YPEL2: variants seen among roughly 807,000 people sequenced by gnomAD.
The protein encoded by YPEL2 is protein yippee-like 2.
In YPEL2, 2 loss-of-function variants were observed where a neutral mutation model predicts 19.1. The observed-to-expected ratio is 0.10, with a 90% confidence interval of 0.04 to 0.33. YPEL2 has a LOEUF of 0.33. Among genes scored for constraint, YPEL2 ranks in the 10% least tolerant of loss-of-function variants. The pLI is 1.00. For synonymous variants in YPEL2, 52 were observed against 50.0 expected (o/e 1.04, Z -0.17); for missense variants, 66 against 140.7 (o/e 0.47, Z 2.68).
At chr17:59,367,961 G>C (rs1168417567) in intron 2 of YPEL2, among the ~76,000 whole-genome samples, 2 of 152,304 alleles carry the variant, frequency 1.3e-5, no homozygotes, top group East Asian at 3.9e-4. Flanking sequence ...ACCTGGCTTT[G>C]TGCTAAATTT....
Position 59,392,507 on chromosome 17 carries a change from G to GTTTT in YPEL2, c.270+3057_270+3060dup, listed in dbSNP as rs3063116. On this transcript the variant is annotated intron_variant, in intron 4 of 4. Coordinates refer to ENST00000312655, the MANE Select transcript of YPEL2 (RefSeq NM_001005404.4). Reference sequence around the variant, plus strand: ...CCTCCTATGTGCCAGCTCAGGGCACGTTTTTTTTTTTTTTTTTTTTTGAGA... The same window carrying GTTTT: ...CCTCCTATGTGCCAGCTCAGGGCACGTTTTTTTTTTTTTTTTTTTTTTTTTGAGA... 1.3e-3 allele frequency among the ~76,000 whole-genome samples: 133 copies of GTTTT among 103,162 alleles called. 5 individuals carry two copies. Among genetic ancestry groups the GTTTT allele is most frequent in the African/African-American group, 4.2e-3 (103 of 24,432 alleles). The allele number at this position is 103,162 out of a possible 152,430, so 67.7% of individuals were successfully genotyped here.
intron 4 of YPEL2, among the ~76,000 whole-genome samples, chr17:59,393,477 T>A (rs976073605): frequency 4.4e-4 from 66 of 150,380 alleles, no homozygotes; most frequent in East Asian, 5.8e-4. Context: ...TCTTTTTTTT[T>A]ATTTTTATTT....
intron 1 of YPEL2, among the ~76,000 whole-genome samples, chr17:59,335,356 C>T (rs1004575102): frequency 4.6e-4 from 70 of 152,098 alleles, no homozygotes; most frequent in African/African-American, 1.7e-3. Flanking sequence ...TAATCTAATT[C>T]CTTTCCTTGT....
At position 59,388,319 on chromosome 17, in the gene YPEL2, C is replaced by A. The variant is rs763544105; in HGVS notation, c.118-8C>A. 1 of 1,614,098 alleles carries A rather than the reference C, an allele frequency of 6.2e-7. No individual in the cohort carries two copies. The highest frequency in any genetic ancestry group is 8.5e-7 in the Non-Finnish European group (1 of 1,179,972). On this transcript the variant is annotated splice_polypyrimidine_tract_variant and splice_region_variant and intron_variant, in intron 2 of 4. Transcript: ENST00000312655. ...GTCTAACTATCGATTTGTTTTCTTG[C>A]ATTTCAGTCATTCCAAGGAAGTCAA...
At position 59,348,026 on chromosome 17, in the gene YPEL2, A is replaced by G. The variant is rs1040345844; in HGVS notation, c.-195-5189A>G. ...TGTGTATTGTGCGCCAGCTCTGTGT[A>G]AGCACTGAGATCATCTCACTTAACA... On this transcript the variant is annotated intron_variant, in intron 1 of 4. Coordinates refer to ENST00000312655, the MANE Select transcript of YPEL2 (RefSeq NM_001005404.4). Among the ~76,000 whole-genome samples, 12 of 152,256 alleles carry G rather than the reference A, an allele frequency of 7.9e-5. No homozygotes were observed. In the East Asian group the frequency reaches 2.1e-3, roughly 27 times the overall value.
intron 2 of YPEL2, among the ~76,000 whole-genome samples, chr17:59,377,645 C>T (rs2047928951): frequency 6.6e-6 from 1 of 152,180 alleles, no homozygotes; most frequent in African/African-American, 2.4e-5. Flanking sequence ...CTGTTCTAAC[C>T]CCATGCCACA....
At chr17:59,364,330 G>A (rs1228467050) in intron 2 of YPEL2, among the ~76,000 whole-genome samples, 1 of 152,178 alleles carries the variant, frequency 6.6e-6, no homozygotes, top group African/African-American at 2.4e-5. Context: ...CATAGCCCTG[G>A]GAGAGGGCTG....
In YPEL2 at chr17:59,397,258, G is replaced by C; in HGVS notation, c.*68G>C. The stretch of plus-strand genomic sequence containing the variant: ...TCAACCGAACATTCTTCCCAAGCGT[G>C]AGAGAGTGACTGACACTTGGTTCCA... On this transcript the variant is annotated 3_prime_UTR_variant, in exon 5 of 5. Transcript: ENST00000312655. 1 of 1,293,066 alleles carries C rather than the reference G, an allele frequency of 7.7e-7. No individual in the cohort carries two copies. Among genetic ancestry groups the C allele is most frequent in the South Asian group, 1.5e-5 (1 of 66,108 alleles). The allele number at this position is 1,293,066 out of a possible 1,614,324, so 80.1% of individuals were successfully genotyped here. A position where few individuals can be genotyped will look rare whatever the true frequency, so the allele number is the denominator to read the frequency against.
chr17:59,365,816 G>A (rs1286314507), intron 2 of YPEL2, among the ~76,000 whole-genome samples: 1 of 152,016 alleles, frequency 6.6e-6, no homozygotes, highest in Non-Finnish European at 1.5e-5. Flanking sequence ...GGAGGAGGAG[G>A]GGGAGAGGAA....
intron 1 of YPEL2, among the ~76,000 whole-genome samples, chr17:59,333,221 A>G (rs1420646883): frequency 6.6e-6 from 1 of 152,194 alleles, no homozygotes; most frequent in Admixed American, 6.5e-5. Context: ...TTCCCCAGAA[A>G]CAGGCCCAGC....
chr17:59,333,630 T>TA (rs1860112585), intron 1 of YPEL2, among the ~76,000 whole-genome samples: 1 of 152,134 alleles, frequency 6.6e-6, no homozygotes, highest in Non-Finnish European at 1.5e-5. Flanking sequence ...CTACTTCATT[T>TA]AAAAAAATCA....
At chr17:59,345,875 A>G (rs896691788) in intron 1 of YPEL2, among the ~76,000 whole-genome samples, 2 of 152,134 alleles carry the variant, frequency 1.3e-5, no homozygotes, top group African/African-American at 2.4e-5. Flanking sequence ...TGCAGGAGGT[A>G]GGCTCTATTG....
intron 2 of YPEL2, among the ~76,000 whole-genome samples, chr17:59,365,554 T>G (rs58446488): frequency 0.012 from 1,753 of 152,340 alleles, 28 homozygotes; most frequent in African/African-American, 0.04. Flanking sequence ...CTTGTCAGTT[T>G]GATTCCTTCT....
At chr17:59,373,811 C>A (rs2047908024) in intron 2 of YPEL2, among the ~76,000 whole-genome samples, 1 of 152,186 alleles carries the variant, frequency 6.6e-6, no homozygotes, top group Admixed American at 6.5e-5. Context: ...GTAAGTCAGG[C>A]ACTTGCGTTG....
Position 59,353,751 on chromosome 17 carries a change from G to A in YPEL2, c.117+225G>A, listed in dbSNP as rs1354217982. 1 of 497,800 alleles carries A rather than the reference G, an allele frequency of 2.0e-6. No individual in the cohort carries two copies. Among genetic ancestry groups the A allele is most frequent in the African/African-American group, 1.9e-5 (1 of 51,512 alleles). 30.8% of individuals were successfully genotyped at this position (497,800 alleles called of 1,614,324 possible). A position where few individuals can be genotyped will look rare whatever the true frequency, so the allele number is the denominator to read the frequency against. ...AAATGAGGTGTCATCCTTGTTGGAGGCTTTGGGAGCTGGCAGCTTGCAAGC... is the reference window on the plus strand; with the variant it reads ...AAATGAGGTGTCATCCTTGTTGGAGACTTTGGGAGCTGGCAGCTTGCAAGC... On this transcript the variant is annotated intron_variant, in intron 2 of 4. Coordinates refer to ENST00000312655, the MANE Select transcript of YPEL2 (RefSeq NM_001005404.4). This position sits in a 1 kb window ranked among gnomAD's most constrained non-coding sequence, Gnocchi z 4.8.
At chr17:59,385,200 C>T (rs1408621457) in intron 2 of YPEL2, among the ~76,000 whole-genome samples, 1 of 152,132 alleles carries the variant, frequency 6.6e-6, no homozygotes, top group African/African-American at 2.4e-5. Context: ...ATGAATGAAT[C>T]CTAAAAGAAT....
At position 59,353,667 on chromosome 17, in the gene YPEL2, T is replaced by A; in HGVS notation, c.117+141T>A. 1.4e-6 allele frequency: 1 copy of A among 730,872 alleles called. No homozygotes were observed. Among genetic ancestry groups the A allele is most frequent in the South Asian group, 1.4e-5 (1 of 70,706 alleles). The allele number at this position is 730,872 out of a possible 1,614,324, so 45.3% of individuals were successfully genotyped here. A position where few individuals can be genotyped will look rare whatever the true frequency, so the allele number is the denominator to read the frequency against. ...GGGCTGACCCACGTGACCGTCTCAC[T>A]CAACTGAGAAAAACTCTGAGTTGGA... On this transcript the variant is annotated intron_variant, in intron 2 of 4. Coordinates refer to ENST00000312655, the MANE Select transcript of YPEL2 (RefSeq NM_001005404.4). The surrounding 1 kb of genome is among the most constrained non-coding windows in gnomAD (Gnocchi z 4.8).
intron 1 of YPEL2, among the ~76,000 whole-genome samples, chr17:59,332,560 G>A (rs575935501): frequency 6.6e-6 from 1 of 152,236 alleles, no homozygotes; most frequent in African/African-American, 2.4e-5. Flanking sequence ...CACCCTGCTT[G>A]GCCGCCGACC....
intron 3 of YPEL2, chr17:59,388,812 C>T (rs1423399097): frequency 5.1e-6 from 1 of 194,288 alleles, no homozygotes; most frequent in East Asian, 1.3e-4. Flanking sequence ...CCAGGTTTAT[C>T]ACCTCTTCCC....
Sources: gnomAD v4.1 joint callset for allele counts (sites outside exome capture counted in the v4.1 genomes callset) on GRCh38, gnomAD v4.1.1 for gene constraint, Gnocchi (gnomAD v3.1) non-coding constraint, MANE v1.5 for transcripts, NCBI Gene and HGNC (gene_info 2026-07-23, HGNC 2026-07-21) for gene names.